ZBTB1: variants seen among roughly 807,000 people sequenced by gnomAD.
ZBTB1 encodes zinc finger and BTB domain-containing protein 1.
Under a neutral mutation model 51.6 loss-of-function variants are expected in ZBTB1, and 13 were observed. That is an observed-to-expected ratio of 0.25 (90% CI 0.16 to 0.40). The LOEUF (loss-of-function observed/expected upper bound fraction) is 0.40. Ranked by LOEUF, ZBTB1 falls within the 10% of genes least tolerant of loss-of-function variation. The probability of loss-of-function intolerance (pLI) is 1.00; values close to 1 mark genes in which losing one functional copy is unlikely to be tolerated. For synonymous variants in ZBTB1, 240 were observed against 282.2 expected, an observed-to-expected ratio of 0.85 and a Z score of 1.50; for missense variants, 567 against 856.5, an observed-to-expected ratio of 0.66 and a Z score of 4.22.
rs2079876208 is a variant in ZBTB1 at position 64,523,068 on chromosome 14, CA to C, written c.1571del (p.Lys524SerfsTer25). 1.2e-6 allele frequency: 2 copies of C among 1,613,864 alleles called. No homozygotes were observed. Among genetic ancestry groups the C allele is most frequent in the Non-Finnish European group, 1.7e-6 (2 of 1,179,936 alleles). ...RDNHYQINSI[Q>X]KKQLFKHSAC... Reference sequence around the variant, plus strand: ...CAATCATTACCAGATAAACAGTATCCAAAAAAAGCAGTTATTTAAACATTCT... The same window carrying C: ...CAATCATTACCAGATAAACAGTATCCAAAAAAGCAGTTATTTAAACATTCT... On this transcript the variant is annotated frameshift_variant, in exon 2 of 2. Coordinates refer to ENST00000683701, the MANE Select transcript of ZBTB1 (RefSeq NM_001123329.2). LOFTEE classifies it high-confidence loss of function. The surrounding 1 kb of genome is among the most constrained non-coding windows in gnomAD (Gnocchi z 4.5).
chr14:64,516,248 C>A (rs1467847696), intron 1 of ZBTB1, among the ~76,000 whole-genome samples: 1 of 151,916 alleles, frequency 6.6e-6, no homozygotes, highest in African/African-American at 2.4e-5. Flanking sequence ...AGAGTAAGAC[C>A]CTGTCTCAAA....
At chr14:64,531,807 G>C in intron 2 of ZBTB1, 2 of 1,604,040 alleles carry the variant, frequency 1.2e-6, no homozygotes, top group South Asian at 1.1e-5. Context: ...ATCTTGTAGA[G>C]CAGTCAACTT....
chr14:64,505,520 C>G (rs1287997851), intron 1 of ZBTB1, among the ~76,000 whole-genome samples: 5 of 152,202 alleles, frequency 3.3e-5, no homozygotes, highest in African/African-American at 1.2e-4. Flanking sequence ...TGGAAAAGAT[C>G]TGTTTCTTGG....
At chr14:64,519,973 A>G (rs546923711) in intron 1 of ZBTB1, among the ~76,000 whole-genome samples, 98 of 140,352 alleles carry the variant, frequency 7.0e-4, no homozygotes, top group African/African-American at 2.3e-3. Context: ...TGCCATTTCT[A>G]TATAATCTAA....
chr14:64,518,904 GTATATATA>G lies in ZBTB1; in HGVS notation c.-18-2558_-18-2551del, dbSNP rs71123855. On this transcript the variant is annotated intron_variant, in intron 1 of 1. Coordinates refer to ENST00000683701, the MANE Select transcript of ZBTB1 (RefSeq NM_001123329.2). Reference sequence around the variant, plus strand: ...AATGAAGAAAACTAGTTGCAGAGAGGTATATATATATATATATATATATATATATATAG... The same window carrying G: ...AATGAAGAAAACTAGTTGCAGAGAGGTATATATATATATATATATATATAG... Among the ~76,000 whole-genome samples the G allele has an allele frequency of 2.1e-3, 203 of 95,118 alleles. 3 individuals are homozygous for G. The East Asian group carries it at 0.022, about 10-fold the overall frequency. 62.4% of individuals were successfully genotyped at this position (95,118 alleles called of 152,430 possible). A position where few individuals can be genotyped will look rare whatever the true frequency, so the allele number is the denominator to read the frequency against.
At chr14:64,529,755 A>G (rs1335105405), downstream of ZBTB1, among the ~76,000 whole-genome samples, 2 of 152,200 alleles carry the variant, frequency 1.3e-5, no homozygotes, top group Non-Finnish European at 2.9e-5. Flanking sequence ...TGGGCAACAG[A>G]GCGAGACCCT....
At chr14:64,513,945 C>T (rs1308298778) in intron 1 of ZBTB1, among the ~76,000 whole-genome samples, 4 of 152,212 alleles carry the variant, frequency 2.6e-5, no homozygotes, top group Admixed American at 2.0e-4. Context: ...CAGGTATGAG[C>T]CACCGCACCG....
chr14:64,504,586 T>C (rs1044284673), upstream of ZBTB1: 1 of 235,094 alleles, frequency 4.3e-6, no homozygotes, highest in African/African-American at 2.3e-5. Flanking sequence ...CAGAAACTTG[T>C]TGCAACAAAC....
At chr14:64,520,924 G>A (rs1258798735) in intron 1 of ZBTB1, among the ~76,000 whole-genome samples, 3 of 150,828 alleles carry the variant, frequency 2.0e-5, no homozygotes, top group Non-Finnish European at 2.9e-5. Flanking sequence ...GTGCAGTGGC[G>A]TGACGCAACT....
At chr14:64,507,636 G>A (rs919560633) in intron 1 of ZBTB1, among the ~76,000 whole-genome samples, 7 of 152,210 alleles carry the variant, frequency 4.6e-5, no homozygotes, top group African/African-American at 1.4e-4. Context: ...CCAGGTAGAG[G>A]AAAGGGGAGT....
downstream of ZBTB1, among the ~76,000 whole-genome samples, chr14:64,526,546 T>G (rs1174890251): frequency 6.6e-6 from 1 of 152,214 alleles, no homozygotes; most frequent in Non-Finnish European, 1.5e-5. Flanking sequence ...TCTTTTGCTT[T>G]GGCCCTTTTA....
rs150245393 is a variant in ZBTB1 at position 64,530,374 on chromosome 14, C to T, written c.1899-1487C>T. On this transcript the variant is annotated intron_variant, in intron 2 of 2. Coordinates refer to the ZBTB1 transcript ENST00000358738. Reference sequence around the variant, plus strand: ...CTGTAATCCCAGCACTTTGAGAGGCCGAGGCAGGTGAATCAGCTGAGGTCA... The same window carrying T: ...CTGTAATCCCAGCACTTTGAGAGGCTGAGGCAGGTGAATCAGCTGAGGTCA... 1.9e-3 allele frequency among the ~76,000 whole-genome samples: 293 copies of T among 152,158 alleles called. 3 individuals carry two copies. Among genetic ancestry groups the T allele is most frequent in the African/African-American group, 6.6e-3 (274 of 41,506 alleles).
intron 2 of ZBTB1, chr14:64,531,757 G>A: frequency 2.1e-6 from 3 of 1,411,168 alleles, no homozygotes; most frequent in Non-Finnish European, 3.0e-6. Flanking sequence ...TGTTGGCCTA[G>A]TGCCAAAGCC....
chr14:64,533,256 G>C (rs2079956495), exon 3 of ZBTB1: 1 of 152,042 alleles, frequency 6.6e-6, no homozygotes, highest in Non-Finnish European at 1.5e-5. Context: ...GAATTCTACT[G>C]CTTTAAGAGA....
downstream of ZBTB1, among the ~76,000 whole-genome samples, chr14:64,528,399 C>T (rs1222034721): frequency 7.6e-6 from 1 of 131,668 alleles, no homozygotes; most frequent in Non-Finnish European, 1.6e-5. Flanking sequence ...AGTTCCTCAA[C>T]TTTCCTTACT....
At chr14:64,512,804 G>A (rs1453008) in intron 1 of ZBTB1, among the ~76,000 whole-genome samples, 70,024 of 151,862 alleles carry the variant, frequency 0.46, 16,802 homozygotes, top group East Asian at 0.65. Flanking sequence ...AAGTTTCAAG[G>A]AGAAACCTAG....
At chr14:64,529,808 T>C (rs2079929942), downstream of ZBTB1, among the ~76,000 whole-genome samples, 1 of 152,004 alleles carries the variant, frequency 6.6e-6, no homozygotes, top group Non-Finnish European at 1.5e-5. Context: ...TATCTTTGAC[T>C]AATAAACAGA....
In ZBTB1 at chr14:64,524,895, T is replaced by G. The variant is rs2079892597; in HGVS notation, c.*1249T>G. ...CTGACACAGGGTCTACATAATTACA[T>G]GTGAATTAAAACATTGGCAAAACTG... On this transcript the variant is annotated 3_prime_UTR_variant, in exon 2 of 2. Coordinates refer to ENST00000683701, the MANE Select transcript of ZBTB1 (RefSeq NM_001123329.2). 1 of 985,276 alleles carries G rather than the reference T, an allele frequency of 1.0e-6. No homozygotes were observed. Among genetic ancestry groups the G allele is most frequent in the Non-Finnish European group, 1.2e-6 (1 of 829,914 alleles). The allele number at this position is 985,276 out of a possible 1,614,324, so 61.0% of individuals were successfully genotyped here. A position where few individuals can be genotyped will look rare whatever the true frequency, so the allele number is the denominator to read the frequency against.
At chr14:64,509,252 C>T (rs1400643112) in intron 1 of ZBTB1, among the ~76,000 whole-genome samples, 1 of 152,200 alleles carries the variant, frequency 6.6e-6, no homozygotes, top group Non-Finnish European at 1.5e-5. Flanking sequence ...TGCCTGTAGT[C>T]CCAGCTATTC....
Sources: allele counts gnomAD v4.1 joint callset (sites outside exome capture counted in the v4.1 genomes callset), GRCh38; gene constraint gnomAD v4.1.1; non-coding constraint Gnocchi (gnomAD v3.1); transcripts MANE v1.5; gene names NCBI Gene and HGNC (gene_info 2026-07-23, HGNC 2026-07-21).